WRAP73: variants seen among roughly 807,000 people sequenced by gnomAD.
The protein encoded by WRAP73 is WD repeat-containing protein WRAP73.
WRAP73 carries 55 observed loss-of-function variants against 59.6 expected under a neutral mutation model. That is an observed-to-expected ratio of 0.92 (90% CI 0.74 to 1.15). The LOEUF is 1.15. Among genes scored for constraint, WRAP73 ranks in the 50% most tolerant of loss-of-function variants. The probability of loss-of-function intolerance (pLI) is 0.00; values close to 1 mark genes in which losing one functional copy is unlikely to be tolerated. For synonymous variants in WRAP73, 265 were observed against 258.2 expected, an observed-to-expected ratio of 1.03 and a Z score of -0.25; for missense variants, 592 against 608.1, an observed-to-expected ratio of 0.97 and a Z score of 0.28.
intron 8 of WRAP73, 164 bp downstream of exon 8, chr1:3,634,833 G>T: frequency 1.2e-6 from 1 of 867,780 alleles, no homozygotes; most frequent in Non-Finnish European, 1.9e-6. Flanking sequence ...AAGAACAAAG[G>T]CCAGGGCAGG....
At chr1:3,634,815 G>A in intron 8 of WRAP73, 182 bp downstream of exon 8, 1 of 751,996 alleles carries the variant, frequency 1.3e-6, no homozygotes, top group Non-Finnish European at 2.3e-6. Flanking sequence ...TGGGCAGCGT[G>A]GAGGAGGAAG....
intron 3 of WRAP73, 103 bp from the exon 4 acceptor site, chr1:3,638,925 T>C: frequency 7.8e-7 from 1 of 1,285,340 alleles, no homozygotes; most frequent in Non-Finnish European, 1.1e-6. Context: ...CAGGCCTGAC[T>C]GCTGGAGTGG....
chr1:3,630,966 G>A lies in WRAP73; in HGVS notation c.*9C>T, dbSNP rs201597955. The stretch of plus-strand genomic sequence containing the variant: ...TAGCCCTGTTTCTGCACACGTTAGT[G>A]CACCGCTGCTACGTGTGGCCGCCCA... On this transcript the variant is annotated 3_prime_UTR_variant, in exon 12 of 12. Coordinates refer to ENST00000270708, the MANE Select transcript of WRAP73 (RefSeq NM_017818.4). 108 of 1,612,034 alleles carry A rather than the reference G, an allele frequency of 6.7e-5. No homozygotes were observed. In the African/African-American group the frequency reaches 1.4e-3, roughly 20 times the overall value.
chr1:3,633,614 C>T, intron 8 of WRAP73, 111 bp from the exon 9 acceptor site: 1 of 824,770 alleles, frequency 1.2e-6, no homozygotes, highest in Non-Finnish European at 1.9e-6. Context: ...CCTGCCATGA[C>T]AGCTGGTCCT....
chr1:3,636,926 A>G (rs779885570), intron 5 of WRAP73, 69 bp downstream of exon 5: 7 of 1,446,802 alleles, frequency 4.8e-6, no homozygotes, highest in Middle Eastern at 1.7e-4. Context: ...GGAATCTGGA[A>G]GGATCTACTT....
At position 3,646,782 on chromosome 1, in the gene WRAP73, C is replaced by G; in HGVS notation, c.223G>C (p.Val75Leu). ...CATTCGGGCTGCTCTAAAGACCAGA[C>G]CTGGATTGAGAGAAGAAAGAAACAC... is the stretch of plus-strand genomic sequence containing the variant. Reference protein sequence around the residue: ...CAMYKRGLVQVWSLEQPEWHC... With the variant: ...CAMYKRGLVQLWSLEQPEWHC... The change falls in exon 3 of 12, where the codon GTC becomes CTC. Residue 75 changes from valine (V) to leucine (L), a missense_variant and splice_region_variant. Coordinates refer to ENST00000270708, the MANE Select transcript of WRAP73 (RefSeq NM_017818.4). The surrounding 1 kb of genome is among the most constrained non-coding windows in gnomAD (Gnocchi z 5.1). 1.2e-6 allele frequency: 2 copies of G among 1,610,340 alleles called. No individual in the cohort carries two copies. The highest frequency in any genetic ancestry group is 1.7e-6 in the Non-Finnish European group (2 of 1,178,618).
At chr1:3,631,388 C>A in intron 11 of WRAP73, 78 bp downstream of exon 11, 1 of 1,509,766 alleles carries the variant, frequency 6.6e-7, no homozygotes, top group Non-Finnish European at 9.0e-7. Context: ...AGCAGCTGGG[C>A]TTCAACAGTT....
chr1:3,646,547 CCT>C lies in WRAP73; in HGVS notation c.339+117_339+118del. 2 of 749,142 alleles carry C rather than the reference CCT, an allele frequency of 2.7e-6. No individual in the cohort carries two copies. Among genetic ancestry groups the C allele is most frequent in the South Asian group, 2.2e-5 (1 of 46,338 alleles). The allele number at this position is 749,142 out of a possible 1,614,324, so 46.4% of individuals were successfully genotyped here. ...CCCCTGGTGGTCTTAGAATGCATCC[CCT>C]GAGGATAAGGGGAGACTAGCATACT... On this transcript the variant is annotated intron_variant, in intron 3 of 11. Transcript: ENST00000270708. This position sits in a 1 kb window ranked among gnomAD's most constrained non-coding sequence, Gnocchi z 5.1.
intron 3 of WRAP73, among the ~76,000 whole-genome samples, chr1:3,640,985 C>T (rs1324892317): frequency 6.6e-6 from 1 of 152,244 alleles, no homozygotes; most frequent in Non-Finnish European, 1.5e-5. Flanking sequence ...TTACCTTCAT[C>T]TCACAAAAAC....
At position 3,631,577 on chromosome 1, in the gene WRAP73, G is replaced by T. The variant is rs746265374; in HGVS notation, c.1129C>A (p.Arg377Ser). 1 of 1,609,966 alleles carries T rather than the reference G, an allele frequency of 6.2e-7. No homozygotes were observed. Among genetic ancestry groups the T allele is most frequent in the East Asian group, 2.2e-5 (1 of 44,876 alleles). Residue 377 changes from arginine (R) to serine (S), a missense_variant, in exon 11 of 12, where the codon CGC (arginine) becomes AGC (serine). Arg to Ser is a moderately radical substitution (Grantham distance 110). Coordinates refer to ENST00000270708, the MANE Select transcript of WRAP73 (RefSeq NM_017818.4). ...TGCTGCGGGTCCCACTGAAATGCGC[G>T]CACTGGGGACAGCTGCTCGAGCACC... ...FAVLEQLSPV[R>S]AFQWDPQQPR...
At chr1:3,635,372 G>A in intron 6 of WRAP73, 78 bp from the exon 7 acceptor site, 1 of 1,579,206 alleles carries the variant, frequency 6.3e-7, no homozygotes, top group Non-Finnish European at 8.6e-7. Flanking sequence ...GTGCTGCAGA[G>A]TGACATTGGT....
chr1:3,647,040 G>T (rs114901913), intron 2 of WRAP73, among the ~76,000 whole-genome samples: 2,615 of 152,302 alleles, frequency 0.017, 74 homozygotes, highest in African/African-American at 0.06. Flanking sequence ...ACGCTTCTTG[G>T]TGATTTCATT....
intron 6 of WRAP73, 84 bp from the exon 7 acceptor site, chr1:3,635,378 T>C (rs1382025761): frequency 5.7e-6 from 9 of 1,568,278 alleles, no homozygotes; most frequent in East Asian, 2.2e-5. Flanking sequence ...CAGAGTGACA[T>C]TGGTGCAGAT....
At chr1:3,649,855 G>A (rs1322108098) in intron 1 of WRAP73, 76 bp downstream of exon 1, 7 of 1,496,496 alleles carry the variant, frequency 4.7e-6, no homozygotes, top group East Asian at 2.6e-5. Flanking sequence ...CACCCACGCG[G>A]CCGCCCCCGG....
intron 3 of WRAP73, among the ~76,000 whole-genome samples, chr1:3,645,130 A>T (rs929063884): frequency 2.0e-5 from 3 of 152,234 alleles, no homozygotes; most frequent in African/African-American, 7.2e-5. Flanking sequence ...CGAAACTGAA[A>T]AATATGTAAA....
intron 6 of WRAP73, 151 bp from the exon 7 acceptor site, chr1:3,635,445 A>T: frequency 3.0e-6 from 3 of 1,006,360 alleles, no homozygotes; most frequent in South Asian, 1.6e-5. Flanking sequence ...ACTGCCAGCT[A>T]GTACTGAGAT....
chr1:3,641,160 G>A (rs1249974434), intron 3 of WRAP73, among the ~76,000 whole-genome samples: 1 of 152,212 alleles, frequency 6.6e-6, no homozygotes, highest in East Asian at 1.9e-4. Flanking sequence ...CTCAGCAGCA[G>A]GAAGAAAGGA....
At chr1:3,648,336 G>A (rs957384685) in intron 1 of WRAP73, among the ~76,000 whole-genome samples, 1 of 152,178 alleles carries the variant, frequency 6.6e-6, no homozygotes, top group Non-Finnish European at 1.5e-5. Flanking sequence ...AATATTAACT[G>A]CTTCGTTAGT....
chr1:3,637,731 G>A (rs1399419365), intron 4 of WRAP73, among the ~76,000 whole-genome samples: 1 of 152,166 alleles, frequency 6.6e-6, no homozygotes, highest in Non-Finnish European at 1.5e-5. Flanking sequence ...CTACTCAGGA[G>A]GCTGAGGTGA....
Sources: gnomAD v4.1 joint callset for allele counts (sites outside exome capture counted in the v4.1 genomes callset) on GRCh38, gnomAD v4.1.1 for gene constraint, Gnocchi (gnomAD v3.1) non-coding constraint, MANE v1.5 for transcripts, NCBI Gene and HGNC (gene_info 2026-07-23, HGNC 2026-07-21) for gene names.